The following ABI1 variants were observed in gnomAD, a reference collection of about 807,000 sequenced individuals.
ABI1 encodes the protein abl interactor 1.
A neutral mutation model predicts 54.6 loss-of-function variants in ABI1; 14 were observed. The ratio of observed to expected loss-of-function variants is 0.26; its 90% CI spans 0.17 to 0.40. The LOEUF is 0.40. Ranked by LOEUF, ABI1 falls within the 10% of genes least tolerant of loss-of-function variation. ABI1 has a pLI of 1.00. For synonymous variants in ABI1, 194 were observed against 209.3 expected (o/e 0.93, Z 0.63); for missense variants, 443 against 598.3 (o/e 0.74, Z 2.71).
At chr10:26,778,885 T>C (rs975667261) in intron 2 of ABI1, among the ~76,000 whole-genome samples, 13 of 152,192 alleles carry the variant, frequency 8.5e-5, no homozygotes, top group Non-Finnish European at 1.9e-4. Context: ...GAATACTTTT[T>C]CTCTAATGTA....
chr10:26,780,426 G>A (rs953314494), intron 2 of ABI1, among the ~76,000 whole-genome samples: 1 of 152,112 alleles, frequency 6.6e-6, no homozygotes, highest in African/African-American at 2.4e-5. Context: ...TAGAGACGAG[G>A]TCTCACGATG....
At chr10:26,802,156 TC>T (rs900132001) in intron 2 of ABI1, among the ~76,000 whole-genome samples, 17 of 152,218 alleles carry the variant, frequency 1.1e-4, no homozygotes, top group Non-Finnish European at 2.2e-4. Flanking sequence ...ACATTTGTTA[TC>T]CCTGGAAGTT....
chr10:26,761,037 G>T (rs1262105724), intron 7 of ABI1, among the ~76,000 whole-genome samples: 1 of 151,686 alleles, frequency 6.6e-6, no homozygotes, highest in Non-Finnish European at 1.5e-5. Context: ...CAACCTCCTG[G>T]ACTCAAGCAA....
chr10:26,824,168 G>C (rs1035955367), intron 1 of ABI1, among the ~76,000 whole-genome samples: 2 of 151,890 alleles, frequency 1.3e-5, no homozygotes, highest in Non-Finnish European at 2.9e-5. Context: ...CTGAAAAGAT[G>C]TTCAACCTCA....
At chr10:26,818,158 C>CAAAAAAAAAAAA (rs397696005) in intron 2 of ABI1, among the ~76,000 whole-genome samples, 1 of 45,442 alleles carries the variant, frequency 2.2e-5, no homozygotes, top group African/African-American at 7.8e-5. Context: ...GACTCCATCT[C>CAAAAAAAAAAAA]AAAAAAAAAA....
At chr10:26,751,819 T>G (rs1340225651) in intron 9 of ABI1, 36 bp from the exon 10 acceptor site, 1 of 1,547,988 alleles carries the variant, frequency 6.5e-7, no homozygotes, top group South Asian at 1.2e-5. Context: ...GAATCAAAAA[T>G]AAGTCTAGAT....
intron 6 of ABI1, among the ~76,000 whole-genome samples, chr10:26,767,170 A>C (rs1840065948): frequency 6.6e-6 from 1 of 152,246 alleles, no homozygotes; most frequent in Non-Finnish European, 1.5e-5. Context: ...TCCACTATAG[A>C]GAAAAACTAT....
intron 7 of ABI1, 44 bp downstream of exon 7, chr10:26,765,174 A>G: frequency 7.4e-6 from 10 of 1,346,456 alleles, no homozygotes; most frequent in Non-Finnish European, 1.0e-5. Flanking sequence ...AATAAAGCTC[A>G]TAAATATTAT....
chr10:26,830,736 C>A (rs776191262), intron 1 of ABI1, among the ~76,000 whole-genome samples: 17 of 151,996 alleles, frequency 1.1e-4, no homozygotes, highest in Non-Finnish European at 2.5e-4. Flanking sequence ...CACATCCTTG[C>A]CAACACTTGG....
intron 1 of ABI1, among the ~76,000 whole-genome samples, chr10:26,854,343 T>G (rs190035054): frequency 3.1e-4 from 44 of 141,858 alleles, no homozygotes; most frequent in Non-Finnish European, 4.5e-4. Flanking sequence ...TATATAGTCC[T>G]AAAAATATGC....
chr10:26,770,730 A>G (rs1840585512), intron 4 of ABI1, among the ~76,000 whole-genome samples: 1 of 152,238 alleles, frequency 6.6e-6, no homozygotes, highest in Non-Finnish European at 1.5e-5. Context: ...CTGAAAAATC[A>G]TCTTCATCCT....
chr10:26,840,019 C>A (rs1564568770), intron 1 of ABI1, among the ~76,000 whole-genome samples: 2 of 151,952 alleles, frequency 1.3e-5, no homozygotes, highest in East Asian at 3.9e-4. Flanking sequence ...ACAAAAAAAA[C>A]AAATTCAAGA....
intron 9 of ABI1, among the ~76,000 whole-genome samples, chr10:26,753,673 G>C (rs1268255595): frequency 6.6e-6 from 1 of 151,978 alleles, no homozygotes; most frequent in Non-Finnish European, 1.5e-5. Flanking sequence ...TAAGAAACTG[G>C]GTATTTAAGA....
At chr10:26,853,149 G>A (rs1421681349) in intron 1 of ABI1, among the ~76,000 whole-genome samples, 1 of 150,854 alleles carries the variant, frequency 6.6e-6, no homozygotes, top group Admixed American at 6.6e-5. Context: ...CAAAATCGAT[G>A]GCGTGAACCC....
intron 2 of ABI1, among the ~76,000 whole-genome samples, chr10:26,788,720 G>A (rs1843017733): frequency 6.6e-6 from 1 of 151,940 alleles, no homozygotes; most frequent in South Asian, 2.1e-4. Flanking sequence ...AGACTATCCT[G>A]GCTAACACAG....
chr10:26,821,193 C>T (rs2047952844), intron 2 of ABI1, among the ~76,000 whole-genome samples: 1 of 141,334 alleles, frequency 7.1e-6, no homozygotes, highest in South Asian at 2.2e-4. Context: ...TGCAGTGAGC[C>T]GAGATCATGC....
At chr10:26,779,032 G>A (rs561402149) in intron 2 of ABI1, among the ~76,000 whole-genome samples, 15 of 152,240 alleles carry the variant, frequency 9.9e-5, no homozygotes, top group South Asian at 2.1e-4. Context: ...TGACCCAGGA[G>A]TCTCATGTCT....
chr10:26,794,861 G>A (rs1202156514), intron 2 of ABI1, among the ~76,000 whole-genome samples: 1 of 151,934 alleles, frequency 6.6e-6, no homozygotes, highest in Non-Finnish European at 1.5e-5. Flanking sequence ...TTGTTACTTA[G>A]GGCCAGGAGT....
chr10:26,826,024 T>C (rs1435079827), intron 1 of ABI1, among the ~76,000 whole-genome samples: 1 of 152,210 alleles, frequency 6.6e-6, no homozygotes, highest in African/African-American at 2.4e-5. Flanking sequence ...CCTGTTAATG[T>C]TGATATTCTG....
Sources: gnomAD v4.1 joint callset for allele counts (sites outside exome capture counted in the v4.1 genomes callset) on GRCh38, gnomAD v4.1.1 for gene constraint, MANE v1.5 for transcripts, NCBI Gene and HGNC (gene_info 2026-07-23, HGNC 2026-07-21) for gene names.